Variants in GRIK4 observed in about 807,000 individuals in gnomAD.
GRIK4 encodes glutamate ionotropic receptor kainate type subunit 4.
GRIK4 carries 40 observed loss-of-function variants against 104.9 expected under a neutral mutation model. The observed-to-expected ratio is 0.38, with a 90% confidence interval of 0.30 to 0.50. The LOEUF is 0.50. Ranked by LOEUF, GRIK4 falls within the 20% of genes least tolerant of loss-of-function variation. The pLI is 0.93. For missense variants in GRIK4, 1,047 were observed against 1,308.1 expected, an observed-to-expected ratio of 0.80 and a Z score of 3.08; for synonymous variants, 485 against 524.9, an observed-to-expected ratio of 0.92 and a Z score of 1.04.
At chr11:120,587,506 A>G (rs1236558200) in intron 1 of GRIK4, among the ~76,000 whole-genome samples, 4 of 152,220 alleles carry the variant, frequency 2.6e-5, no homozygotes, top group Non-Finnish European at 5.9e-5. Context: ...ATGACATAGC[A>G]TATGTAAATC....
At chr11:120,665,742 G>A (rs765079259) in intron 3 of GRIK4, among the ~76,000 whole-genome samples, 2 of 152,188 alleles carry the variant, frequency 1.3e-5, no homozygotes, top group African/African-American at 2.4e-5. Flanking sequence ...AAAAAAGTCT[G>A]CGCGTGTGTC....
At position 120,585,343 on chromosome 11, in the gene GRIK4, CTT is replaced by C. The variant is rs138152898; in HGVS notation, c.-158-68331_-158-68330del. On this transcript the variant is annotated intron_variant, in intron 1 of 20. Coordinates refer to ENST00000527524, the MANE Select transcript of GRIK4 (RefSeq NM_014619.5). ...TCATTCTCTCTCTCCCTCTCTCTCT[CTT>C]TTTTTTTTTTCTTTTTTTTTGTGAG... Among the ~76,000 whole-genome samples, 608 of 143,800 alleles carry C rather than the reference CTT, an allele frequency of 4.2e-3. 2 individuals carry two copies. Among genetic ancestry groups the C allele is most frequent in the Non-Finnish European group, 6.7e-3 (439 of 65,868 alleles). The allele number at this position is 143,800 out of a possible 152,430, so 94.3% of individuals were successfully genotyped here.
chr11:120,803,454 T>C (rs1440416616), intron 4 of GRIK4, among the ~76,000 whole-genome samples: 1 of 152,226 alleles, frequency 6.6e-6, no homozygotes, highest in Non-Finnish European at 1.5e-5. Flanking sequence ...TTTGTTTTTT[T>C]TGAGACAGGG....
chr11:120,749,966 G>T (rs936196770), intron 3 of GRIK4, among the ~76,000 whole-genome samples: 3 of 152,216 alleles, frequency 2.0e-5, no homozygotes, highest in African/African-American at 7.2e-5. Flanking sequence ...TTTGTTAGCT[G>T]TGTGAGGGAG....
intron 3 of GRIK4, among the ~76,000 whole-genome samples, chr11:120,800,329 C>T (rs762536896): frequency 1.9e-4 from 29 of 152,178 alleles, no homozygotes; most frequent in Non-Finnish European, 4.0e-4. Flanking sequence ...CAGGGAGGAC[C>T]ATTTGAGAAG....
At chr11:120,814,839 C>A (rs191973906) in intron 4 of GRIK4, among the ~76,000 whole-genome samples, 1 of 152,348 alleles carries the variant, frequency 6.6e-6, no homozygotes, top group African/African-American at 2.4e-5. Flanking sequence ...CTCCCTGCCT[C>A]CCATTTTCTT....
At chr11:120,613,233 TTTC>T (rs1949060645) in intron 1 of GRIK4, among the ~76,000 whole-genome samples, 1 of 152,208 alleles carries the variant, frequency 6.6e-6, no homozygotes, top group Admixed American at 6.5e-5. Flanking sequence ...ACACTTTCTG[TTTC>T]TTCTTCTCTT....
intron 3 of GRIK4, among the ~76,000 whole-genome samples, chr11:120,709,104 G>A (rs1591823397): frequency 6.6e-6 from 1 of 152,098 alleles, no homozygotes; most frequent in Admixed American, 6.5e-5. Context: ...CAAAGGGAGG[G>A]CCAAGGATCA....
intron 8 of GRIK4, among the ~76,000 whole-genome samples, chr11:120,843,346 G>A (rs1440318860): frequency 6.6e-6 from 1 of 152,206 alleles, no homozygotes; most frequent in Non-Finnish European, 1.5e-5. Flanking sequence ...TTTTCTTTTG[G>A]GGAATCTAGA....
At chr11:120,775,802 A>G (rs1466220567) in intron 3 of GRIK4, among the ~76,000 whole-genome samples, 1 of 152,270 alleles carries the variant, frequency 6.6e-6, no homozygotes, top group Non-Finnish European at 1.5e-5. Flanking sequence ...CAAAAACTAA[A>G]TGGTCTAGCT....
chr11:120,537,537 C>A (rs951640228), intron 1 of GRIK4, among the ~76,000 whole-genome samples: 1 of 152,176 alleles, frequency 6.6e-6, no homozygotes, highest in African/African-American at 2.4e-5. Context: ...GGGAGTCCTA[C>A]CTGGATGCCC....
At chr11:120,982,432 T>C (rs956688448) in intron 20 of GRIK4, among the ~76,000 whole-genome samples, 2 of 152,198 alleles carry the variant, frequency 1.3e-5, no homozygotes, top group Admixed American at 6.5e-5. Context: ...ATTTAAGATA[T>C]AGTTGAGAAA....
chr11:120,686,822 G>A (rs1411835042), intron 3 of GRIK4, among the ~76,000 whole-genome samples: 2 of 152,222 alleles, frequency 1.3e-5, no homozygotes, highest in Non-Finnish European at 2.9e-5. Context: ...CCACGCATAG[G>A]CAGAGCAGCG....
intron 1 of GRIK4, among the ~76,000 whole-genome samples, chr11:120,607,409 C>T (rs1948976379): frequency 6.6e-6 from 1 of 152,132 alleles, no homozygotes. Flanking sequence ...ATGAAGAGAG[C>T]CCAGGTGCTT....
chr11:120,673,610 CT>C (rs1288513918), intron 3 of GRIK4, among the ~76,000 whole-genome samples: 1 of 152,242 alleles, frequency 6.6e-6, no homozygotes, highest in Non-Finnish European at 1.5e-5. Flanking sequence ...TCCACCAGCG[CT>C]TGTGTTTCCC....
intron 1 of GRIK4, among the ~76,000 whole-genome samples, chr11:120,593,054 A>G (rs529792840): frequency 6.6e-6 from 1 of 151,468 alleles, no homozygotes; most frequent in South Asian, 2.1e-4. Flanking sequence ...CTGGTGGCGC[A>G]CTCCTGTAAT....
intron 1 of GRIK4, among the ~76,000 whole-genome samples, chr11:120,517,726 C>T (rs1042225887): frequency 6.6e-6 from 1 of 152,120 alleles, no homozygotes; most frequent in Admixed American, 6.5e-5. Flanking sequence ...CTTCACGGAG[C>T]TCCCAGTTGA....
At chr11:120,794,544 G>C (rs1415450409) in intron 3 of GRIK4, among the ~76,000 whole-genome samples, 1 of 151,888 alleles carries the variant, frequency 6.6e-6, no homozygotes, top group East Asian at 1.9e-4. Context: ...TTGGACTTCT[G>C]TCTACATGAA....
At chr11:120,666,935 G>T (rs1232382151) in intron 3 of GRIK4, among the ~76,000 whole-genome samples, 1 of 152,162 alleles carries the variant, frequency 6.6e-6, no homozygotes. Flanking sequence ...ATTTTGGTGG[G>T]GGGTGTTGGG....
Sources: gnomAD v4.1 joint callset for allele counts (sites outside exome capture counted in the v4.1 genomes callset) on GRCh38, gnomAD v4.1.1 for gene constraint, MANE v1.5 for transcripts, NCBI Gene and HGNC (gene_info 2026-07-23, HGNC 2026-07-21) for gene names.